Variants in MAN1A1 observed in about 807,000 individuals in gnomAD.
MAN1A1 encodes the protein mannosidase alpha class 1A member 1.
A neutral mutation model predicts 70.8 loss-of-function variants in MAN1A1; 29 were observed. The observed-to-expected ratio is 0.41, with a 90% confidence interval of 0.31 to 0.56. MAN1A1 has a LOEUF of 0.56. Ranked by LOEUF, MAN1A1 falls within the 20% of genes least tolerant of loss-of-function variation. The pLI, the probability that MAN1A1 is intolerant of heterozygous loss-of-function variation, is 0.29. For synonymous variants in MAN1A1, 349 were observed against 330.1 expected (o/e 1.06, Z -0.62); for missense variants, 747 against 841.3 (o/e 0.89, Z 1.39).
chr6:119,270,741 A>C (rs1421640025), intron 5 of MAN1A1, among the ~76,000 whole-genome samples: 1 of 152,208 alleles, frequency 6.6e-6, no homozygotes, highest in African/African-American at 2.4e-5. Flanking sequence ...GCTGGGTATA[A>C]AAATCTTTGT....
intron 6 of MAN1A1, among the ~76,000 whole-genome samples, chr6:119,221,139 ATAAATT>A (rs1272919887): frequency 6.6e-6 from 1 of 152,186 alleles, no homozygotes; most frequent in African/African-American, 2.4e-5. Context: ...TGAGCATAAA[ATAAATT>A]TTTCTATTTT....
chr6:119,349,468 T>A (rs1773841702), intron 1 of MAN1A1, 74 bp downstream of exon 1: 1 of 930,780 alleles, frequency 1.1e-6, no homozygotes, highest in African/African-American at 1.8e-5. Flanking sequence ...TCAGGTCCCG[T>A]GGGTAGGGGA....
intron 2 of MAN1A1, among the ~76,000 whole-genome samples, chr6:119,321,421 T>C (rs1773000780): frequency 6.6e-6 from 1 of 152,152 alleles, no homozygotes; most frequent in Non-Finnish European, 1.5e-5. Flanking sequence ...TTGTGTAAAA[T>C]GCTCCTCCAA....
chr6:119,337,372 C>G (rs372452674), intron 2 of MAN1A1, among the ~76,000 whole-genome samples: 1 of 152,118 alleles, frequency 6.6e-6, no homozygotes, highest in Non-Finnish European at 1.5e-5. Context: ...TTACTTAGCG[C>G]GAAATCACAC....
At chr6:119,287,023 G>A (rs865794543) in intron 5 of MAN1A1, among the ~76,000 whole-genome samples, 1 of 151,992 alleles carries the variant, frequency 6.6e-6, no homozygotes, top group Non-Finnish European at 1.5e-5. Flanking sequence ...GTCTTCACGG[G>A]ATATGAATCC....
At chr6:119,297,306 T>C (rs1029293899) in intron 4 of MAN1A1, among the ~76,000 whole-genome samples, 5 of 152,200 alleles carry the variant, frequency 3.3e-5, no homozygotes, top group Non-Finnish European at 5.9e-5. Flanking sequence ...CACCTGAGCT[T>C]TTCTTCCAGC....
At chr6:119,222,182 A>T (rs1211740250) in intron 6 of MAN1A1, among the ~76,000 whole-genome samples, 2 of 152,186 alleles carry the variant, frequency 1.3e-5, no homozygotes, top group African/African-American at 4.8e-5. Context: ...TTTTTGCTAC[A>T]GTACTGTTAG....
At chr6:119,256,721 G>A (rs992412514) in intron 5 of MAN1A1, among the ~76,000 whole-genome samples, 1 of 152,028 alleles carries the variant, frequency 6.6e-6, no homozygotes, top group African/African-American at 2.4e-5. Flanking sequence ...TAAAGAAAAT[G>A]GGTCACTTCA....
intron 5 of MAN1A1, chr6:119,269,188 C>T: frequency 4.7e-6 from 1 of 213,938 alleles, no homozygotes; most frequent in Non-Finnish European, 9.7e-6. Flanking sequence ...TTCTCCTCCA[C>T]ATTCTTTTGG....
chr6:119,185,726 G>A (rs1191361193), intron 11 of MAN1A1, among the ~76,000 whole-genome samples: 4 of 151,884 alleles, frequency 2.6e-5, no homozygotes, highest in South Asian at 2.1e-4. Context: ...ACAGGCGCCC[G>A]CCACCACGCC....
chr6:119,243,155 T>TG (rs1370491899), intron 6 of MAN1A1, among the ~76,000 whole-genome samples: 1 of 152,132 alleles, frequency 6.6e-6, no homozygotes, highest in Non-Finnish European at 1.5e-5. Flanking sequence ...TACTCAGGCT[T>TG]ATATCACTGC....
intron 6 of MAN1A1, chr6:119,210,848 A>T (rs1163642785): frequency 6.6e-6 from 3 of 451,714 alleles, no homozygotes; most frequent in Non-Finnish European, 1.3e-5. Context: ...CTACTTACAG[A>T]GCTATTTCTC....
chr6:119,347,036 C>T (rs1462378873), intron 2 of MAN1A1, among the ~76,000 whole-genome samples: 1 of 152,162 alleles, frequency 6.6e-6, no homozygotes, highest in East Asian at 1.9e-4. Flanking sequence ...AATCCATTCC[C>T]CCAAGTATGG....
At chr6:119,231,045 G>T (rs531803112) in intron 6 of MAN1A1, among the ~76,000 whole-genome samples, 1 of 152,258 alleles carries the variant, frequency 6.6e-6, no homozygotes, top group South Asian at 2.1e-4. Flanking sequence ...TTTTGTTGGA[G>T]GTAAAGTCCT....
chr6:119,193,359 T>C (rs1043086892), intron 9 of MAN1A1, among the ~76,000 whole-genome samples: 2 of 152,208 alleles, frequency 1.3e-5, no homozygotes, highest in African/African-American at 4.8e-5. Context: ...CTTAGAGTAC[T>C]GTCCATTTAT....
intron 5 of MAN1A1, among the ~76,000 whole-genome samples, chr6:119,273,877 T>G (rs935278172): frequency 6.6e-6 from 1 of 152,206 alleles, no homozygotes; most frequent in African/African-American, 2.4e-5. Flanking sequence ...GGGTAAATGC[T>G]GATTCAGCAA....
At chr6:119,272,072 C>A (rs1487326280) in intron 5 of MAN1A1, among the ~76,000 whole-genome samples, 1 of 152,206 alleles carries the variant, frequency 6.6e-6, no homozygotes, top group Non-Finnish European at 1.5e-5. Flanking sequence ...TTCAAATTTA[C>A]ACATGGCTTC....
chr6:119,340,288 AT>A (rs1478788941), intron 2 of MAN1A1, among the ~76,000 whole-genome samples: 1 of 152,134 alleles, frequency 6.6e-6, no homozygotes, highest in Non-Finnish European at 1.5e-5. Context: ...TAGCTCCAGC[AT>A]GTATTCCCGT....
intron 6 of MAN1A1, among the ~76,000 whole-genome samples, chr6:119,218,808 A>G (rs1292945421): frequency 1.3e-5 from 2 of 152,132 alleles, no homozygotes; most frequent in African/African-American, 2.4e-5. Context: ...TGGCACCCTG[A>G]GCTGCCAAGG....
Sources: gnomAD v4.1 joint callset for allele counts (sites outside exome capture counted in the v4.1 genomes callset) on GRCh38, gnomAD v4.1.1 for gene constraint, MANE v1.5 for transcripts, NCBI Gene and HGNC (gene_info 2026-07-23, HGNC 2026-07-21) for gene names.